The following EVC variants were observed in gnomAD, a reference collection of about 807,000 sequenced individuals.
EVC encodes EvC ciliary complex subunit 1.
A neutral mutation model predicts 118.9 loss-of-function variants in EVC; 116 were observed. The ratio of observed to expected loss-of-function variants is 0.98; its 90% CI spans 0.84 to 1.14. EVC has a LOEUF of 1.14. Among genes scored for constraint, EVC ranks in the 50% most tolerant of loss-of-function variants. The pLI is 0.00. For missense variants in EVC, 1,401 were observed against 1,246.4 expected (o/e 1.12, Z -1.87); for synonymous variants, 619 against 534.7 (o/e 1.16, Z -2.18).
chr4:5,721,613 A>T (rs1027678013), intron 2 of EVC, among the ~76,000 whole-genome samples: 43 of 152,296 alleles, frequency 2.8e-4, no homozygotes, highest in African/African-American at 9.9e-4. Flanking sequence ...CATGCCTGTA[A>T]TCCCAGCATT....
Position 5,795,699 on chromosome 4 carries a change from C to T in EVC, c.1887-1323C>T, listed in dbSNP as rs117501746. The stretch of plus-strand genomic sequence containing the variant: ...AAGAGGATGGAAACATAAGTAGGCT[C>T]GGACCAGGGACACCTGGTGAGCCAT... On this transcript the variant is annotated intron_variant, in intron 13 of 20. Transcript: ENST00000264956. Among the ~76,000 whole-genome samples, 81 of 152,262 alleles carry T rather than the reference C, an allele frequency of 5.3e-4. No homozygotes were observed. In the East Asian group the frequency reaches 0.014, roughly 26 times the overall value.
rs781755628 is a variant in EVC at position 5,798,625 on chromosome 4, G to C, written c.2137G>C (p.Glu713Gln). ...VLEEASRLEE[E>Q]AQQTRLQLQQ... ...GGAGGAGGCCAGCCGGCTAGAGGAG[G>C]AAGCACAGCAGACACGGCTGCAGCT... The change falls in exon 15 of 21, where the codon GAA becomes CAA. Residue 713 changes from glutamate (E) to glutamine (Q), a missense_variant. By Grantham distance (29) the Glu-to-Gln change is conservative. Transcript: ENST00000264956. The surrounding 1 kb of genome is among the most constrained non-coding windows in gnomAD (Gnocchi z 4.1). The C allele has an allele frequency of 4.4e-6, 7 of 1,587,730 alleles. No individual in the cohort carries two copies. In the South Asian group the frequency reaches 8.0e-5, roughly 18 times the overall value.
At chr4:5,815,669 TC>T (rs1478523826), downstream of EVC, among the ~76,000 whole-genome samples, 1 of 152,084 alleles carries the variant, frequency 6.6e-6, no homozygotes, top group East Asian at 1.9e-4. Context: ...TGGAAGCCCC[TC>T]CCTCTATGGA....
At chr4:5,726,015 G>A (rs1725746909) in intron 2 of EVC, among the ~76,000 whole-genome samples, 1 of 152,184 alleles carries the variant, frequency 6.6e-6, no homozygotes, top group Admixed American at 6.5e-5. Flanking sequence ...TTGCTCACAG[G>A]GCATCGCGGT....
At chr4:5,730,544 T>G (rs1488691942) in intron 3 of EVC, among the ~76,000 whole-genome samples, 11 of 151,850 alleles carry the variant, frequency 7.2e-5, no homozygotes, top group Admixed American at 7.2e-4. Flanking sequence ...GCCCTGGGGA[T>G]CACGCCATAG....
At chr4:5,804,417 T>C (rs1715522881) in intron 16 of EVC, among the ~76,000 whole-genome samples, 1 of 152,188 alleles carries the variant, frequency 6.6e-6, no homozygotes, top group South Asian at 2.1e-4. Flanking sequence ...TCCTTTACAG[T>C]GTGGCTTTTA....
intron 12 of EVC, among the ~76,000 whole-genome samples, chr4:5,788,432 C>T (rs11737504): frequency 0.3 from 45,761 of 152,056 alleles, 7,231 homozygotes; most frequent in South Asian, 0.51. Context: ...TCCAAATTTA[C>T]ATGCTCAGCT....
intron 1 of EVC, among the ~76,000 whole-genome samples, chr4:5,713,279 T>G (rs1723348138): frequency 6.6e-6 from 1 of 152,200 alleles, no homozygotes; most frequent in Non-Finnish European, 1.5e-5. Context: ...CTAATGAGAT[T>G]CTTTTCCTCC....
intron 11 of EVC, among the ~76,000 whole-genome samples, chr4:5,779,679 G>C (rs1207497327): frequency 1.9e-5 from 2 of 107,274 alleles, no homozygotes; most frequent in Admixed American, 2.1e-4. Context: ...TGTGATTTTT[G>C]TACATTGATT....
the EVC span, chr4:5,825,068 A>AAAGT: frequency 1.0e-6 from 1 of 985,428 alleles, no homozygotes; most frequent in South Asian, 4.7e-5. The surrounding 1 kb of genome is among the most constrained non-coding windows in gnomAD (Gnocchi z 4.4). Flanking sequence ...ATGGGTTATG[A>AAAGT]AAGTGCTTAG....
At chr4:5,752,174 ACGTCCGC>A (rs1730475896) in intron 8 of EVC, among the ~76,000 whole-genome samples, 1 of 152,028 alleles carries the variant, frequency 6.6e-6, no homozygotes, top group African/African-American at 2.4e-5. Flanking sequence ...GGAGATGCCA[ACGTCCGC>A]CGTCCGCTCC....
chr4:5,748,482 A>G (rs1729716276), intron 8 of EVC, among the ~76,000 whole-genome samples, 176 bp downstream of exon 8: 1 of 152,064 alleles, frequency 6.6e-6, no homozygotes, highest in Non-Finnish European at 1.5e-5. Flanking sequence ...TTATTTATCC[A>G]TCCATCCACC....
chr4:5,751,570 G>A (rs957622017), intron 8 of EVC, among the ~76,000 whole-genome samples: 2 of 152,222 alleles, frequency 1.3e-5, no homozygotes, highest in African/African-American at 4.8e-5. Flanking sequence ...CTTGTGTTGT[G>A]GGAACAGAGG....
chr4:5,752,809 T>A (rs746339886), intron 8 of EVC, 27 bp from the exon 9 acceptor site: 2 of 1,611,912 alleles, frequency 1.2e-6, no homozygotes, highest in South Asian at 2.2e-5. Flanking sequence ...ACACCCCAGC[T>A]ATGGTCCTGT....
chr4:5,746,717 A>C lies in EVC; in HGVS notation c.939+1376A>C, dbSNP rs146850469. On this transcript the variant is annotated intron_variant, in intron 7 of 20. Transcript: ENST00000264956. The surrounding 1 kb of genome is among the most constrained non-coding windows in gnomAD (Gnocchi z 5.8). ...TTCAGAATTTTCATAAGATTCTCCAAAGTATTGGTGACCTCCAAAAATGGT... is the reference window on the plus strand; with the variant it reads ...TTCAGAATTTTCATAAGATTCTCCACAGTATTGGTGACCTCCAAAAATGGT... Among the ~76,000 whole-genome samples, 4 of 152,272 alleles carry C rather than the reference A, an allele frequency of 2.6e-5. No individual in the cohort carries two copies. The highest frequency in any genetic ancestry group is 2.0e-4 in the Admixed American group (3 of 15,296).
downstream of EVC, among the ~76,000 whole-genome samples, chr4:5,816,765 G>A (rs1336271183): frequency 1.3e-5 from 2 of 148,682 alleles, no homozygotes; most frequent in Non-Finnish European, 3.0e-5. Flanking sequence ...TGTGGGCTCT[G>A]CCTCCTCTGG....
At chr4:5,828,331 A>C in the EVC span, 1 of 984,944 alleles carries the variant, frequency 1.0e-6, no homozygotes, top group Non-Finnish European at 1.2e-6. Context: ...CTCAGACAGG[A>C]GCCCAGGCCA....
intron 12 of EVC, 44 bp from the exon 13 acceptor site, chr4:5,793,564 G>A (rs1713186753): frequency 2.7e-6 from 4 of 1,483,088 alleles, no homozygotes; most frequent in African/African-American, 2.8e-5. Context: ...GATTGTTGAA[G>A]TGAGTAACCA....
chr4:5,821,750 G>A, the EVC span: 27 of 1,602,358 alleles, frequency 1.7e-5, no homozygotes, highest in South Asian at 5.6e-5. The surrounding 1 kb of genome is among the most constrained non-coding windows in gnomAD (Gnocchi z 4.4). Flanking sequence ...GCTCCTCCGC[G>A]CATCCACGTT....
Sources: allele counts gnomAD v4.1 joint callset (sites outside exome capture counted in the v4.1 genomes callset), GRCh38; gene constraint gnomAD v4.1.1; non-coding constraint Gnocchi (gnomAD v3.1); transcripts MANE v1.5; gene names NCBI Gene and HGNC (gene_info 2026-07-23, HGNC 2026-07-21).